Variants in MYSM1 observed in about 807,000 individuals in gnomAD.
MYSM1 encodes the protein Myb like, SWIRM and MPN domains 1.
MYSM1 carries 51 observed loss-of-function variants against 116.0 expected under a neutral mutation model. The ratio of observed to expected loss-of-function variants is 0.44; its 90% CI spans 0.35 to 0.56. MYSM1 has a LOEUF of 0.56. MYSM1 is among the 20% of genes least tolerant of loss of function. The pLI, the probability that MYSM1 is intolerant of heterozygous loss-of-function variation, is 0.00. For synonymous variants in MYSM1, 313 were observed against 315.2 expected (o/e 0.99, Z 0.07); for missense variants, 900 against 974.9 (o/e 0.92, Z 1.02).
chr1:58,674,934 A>C (rs550423122), intron 10 of MYSM1, among the ~76,000 whole-genome samples: 365 of 151,110 alleles, frequency 2.4e-3, no homozygotes, highest in Non-Finnish European at 4.3e-3. Context: ...CTCAAAAAAA[A>C]AAAAAAAAGA....
intron 8 of MYSM1, among the ~76,000 whole-genome samples, chr1:58,677,804 A>C (rs1213637825): frequency 6.6e-6 from 1 of 152,120 alleles, no homozygotes; most frequent in Non-Finnish European, 1.5e-5. Context: ...CTTTACAACT[A>C]TACAAGGTAG....
chr1:58,670,251 A>T (rs1644540316), intron 12 of MYSM1, among the ~76,000 whole-genome samples: 2 of 152,226 alleles, frequency 1.3e-5, no homozygotes, highest in South Asian at 4.1e-4. Context: ...ACTGAAGGCC[A>T]AGATAGATGA....
At chr1:58,698,347 G>A (rs898441193) in intron 1 of MYSM1, among the ~76,000 whole-genome samples, 5 of 151,122 alleles carry the variant, frequency 3.3e-5, no homozygotes, top group African/African-American at 9.7e-5. Context: ...TGATCTGCCC[G>A]CCTCGGTCTC....
chr1:58,672,145 A>C (rs1384276301), intron 11 of MYSM1, among the ~76,000 whole-genome samples, 187 bp from the exon 12 acceptor site: 2 of 152,194 alleles, frequency 1.3e-5, no homozygotes, highest in Non-Finnish European at 2.9e-5. Context: ...GTTTCAAAAG[A>C]CACGGCCATC....
intron 15 of MYSM1, 103 bp from the exon 16 acceptor site, chr1:58,667,329 AC>A (rs1455069251): frequency 2.4e-6 from 2 of 839,328 alleles, no homozygotes; most frequent in African/African-American, 3.5e-5. Flanking sequence ...CAAGGCCAAG[AC>A]TTTTATTTAA....
In MYSM1 at chr1:58,659,724, C is replaced by T. The variant is rs1177601163; in HGVS notation, c.*273G>A. On this transcript the variant is annotated 3_prime_UTR_variant, in exon 20 of 20. Transcript: ENST00000472487. Reference sequence around the variant, plus strand: ...AAGCTGAACACAACAGTAAAGCCGACCAGGTTGCTTAGTTTCACAGCCTAC... The same window carrying T: ...AAGCTGAACACAACAGTAAAGCCGATCAGGTTGCTTAGTTTCACAGCCTAC... The T allele has an allele frequency of 4.3e-6, 1 of 232,678 alleles. No homozygotes were observed. Among genetic ancestry groups the T allele is most frequent in the Non-Finnish European group, 8.2e-6 (1 of 121,758 alleles). 14.4% of individuals were successfully genotyped at this position (232,678 alleles called of 1,614,324 possible).
intron 11 of MYSM1, among the ~76,000 whole-genome samples, chr1:58,672,366 AT>A: frequency 6.6e-6 from 1 of 152,200 alleles, no homozygotes; most frequent in African/African-American, 2.4e-5. Flanking sequence ...TGGCCCAGTT[AT>A]TTACTAGCTT....
chr1:58,665,819 C>A (rs933620595), intron 16 of MYSM1, among the ~76,000 whole-genome samples, 188 bp from the exon 17 acceptor site: 2 of 151,616 alleles, frequency 1.3e-5, no homozygotes, highest in East Asian at 1.9e-4. Flanking sequence ...CTGAGGCAGG[C>A]GGACTGCTTG....
rs1644317962 is a variant in MYSM1 at position 58,656,278 on chromosome 1, C to G, written c.*3719G>C. On this transcript the variant is annotated 3_prime_UTR_variant, in exon 20 of 20. Coordinates refer to ENST00000472487, the MANE Select transcript of MYSM1 (RefSeq NM_001085487.3). ...AATGGTATGGACAGAAGACTGGGAG[C>G]AGCATTAAATAGCTTCATGGAAACA... The G allele has an allele frequency of 6.6e-6, 1 of 152,244 alleles. No homozygotes were observed. The highest frequency in any genetic ancestry group is 6.5e-5 in the Admixed American group (1 of 15,276). 9.4% of individuals were successfully genotyped at this position (152,244 alleles called of 1,614,324 possible).
rs983919032 is a variant in MYSM1, at chr1:58,655,117, A to G, written c.*4880T>C. 3 of 152,232 alleles carry G rather than the reference A, an allele frequency of 2.0e-5. No homozygotes were observed. Among genetic ancestry groups the G allele is most frequent in the Non-Finnish European group, 2.9e-5 (2 of 68,016 alleles). The allele number at this position is 152,232 out of a possible 1,614,324, so 9.4% of individuals were successfully genotyped here. ...TAACTAACTTACTTATACACAACAC[A>G]TAATTTACATGTCAAATCCACAAAT... On this transcript the variant is annotated 3_prime_UTR_variant, in exon 20 of 20. Coordinates refer to ENST00000472487, the MANE Select transcript of MYSM1 (RefSeq NM_001085487.3).
chr1:58,682,582 A>G, intron 7 of MYSM1, 37 bp from the exon 8 acceptor site: 1 of 1,502,828 alleles, frequency 6.7e-7, no homozygotes, highest in Non-Finnish European at 8.9e-7. Flanking sequence ...CATAATATTA[A>G]GATTTAAAAA....
In MYSM1 at chr1:58,662,865, CG is replaced by C. The variant is rs367955811; in HGVS notation, c.2165-1355del. On this transcript the variant is annotated intron_variant, in intron 17 of 19. Transcript: ENST00000472487. Reference sequence around the variant, plus strand: ...AAGAAGAGTGACACACTATAGTACACGGGGTATTAAGCAAACTCCTTATGGT... The same window carrying C: ...AAGAAGAGTGACACACTATAGTACACGGGTATTAAGCAAACTCCTTATGGT... 5.1e-4 allele frequency among the ~76,000 whole-genome samples: 78 copies of C among 152,170 alleles called. 2 individuals are homozygous for C. In the South Asian group the frequency reaches 0.015, roughly 29 times the overall value.
At chr1:58,684,014 G>A (rs963058768) in intron 7 of MYSM1, among the ~76,000 whole-genome samples, 6 of 152,040 alleles carry the variant, frequency 3.9e-5, no homozygotes, top group African/African-American at 9.7e-5. Flanking sequence ...ACCAAGTTAA[G>A]CTTTATTCTG....
At chr1:58,660,490 C>T (rs1441278089) in intron 19 of MYSM1, among the ~76,000 whole-genome samples, 1 of 152,074 alleles carries the variant, frequency 6.6e-6, no homozygotes, top group Non-Finnish European at 1.5e-5. Flanking sequence ...TGAGTATACA[C>T]ACACACAAAA....
rs1644341640 is a variant in MYSM1, at chr1:58,658,078, A to G, written c.*1919T>C. Reference sequence around the variant, plus strand: ...ATCACTGCCTTTCACAGAATCACGCAACTTCGGAGCTTGGAAGGGAATACT... The same window carrying G: ...ATCACTGCCTTTCACAGAATCACGCGACTTCGGAGCTTGGAAGGGAATACT... On this transcript the variant is annotated 3_prime_UTR_variant, in exon 20 of 20. Coordinates refer to ENST00000472487, the MANE Select transcript of MYSM1 (RefSeq NM_001085487.3). 6.6e-6 allele frequency: 1 copy of G among 152,210 alleles called. No individual in the cohort carries two copies. The highest frequency in any genetic ancestry group is 2.1e-4 in the South Asian group (1 of 4,830). The allele number at this position is 152,210 out of a possible 1,614,324, so 9.4% of individuals were successfully genotyped here.
intron 2 of MYSM1, among the ~76,000 whole-genome samples, 181 bp from the exon 3 acceptor site, chr1:58,693,112 C>G (rs1452380191): frequency 6.6e-6 from 1 of 152,182 alleles, no homozygotes; most frequent in African/African-American, 2.4e-5. Context: ...TTTACAGAAG[C>G]AACCACAGCA....
chr1:58,662,230 C>T (rs1644403195), intron 17 of MYSM1, among the ~76,000 whole-genome samples: 1 of 152,002 alleles, frequency 6.6e-6, no homozygotes, highest in South Asian at 2.1e-4. Context: ...GGGTGAACAT[C>T]ATATATTCAT....
intron 1 of MYSM1, among the ~76,000 whole-genome samples, chr1:58,698,102 A>ATATATATTTTTTTTTTTTTTTT: frequency 7.7e-4 from 6 of 7,770 alleles, no homozygotes; most frequent in African/African-American, 1.5e-3. Flanking sequence ...ATATATATAT[A>ATATATATTTTTTTTTTTTTTTT]TTTTTTTTTT....
chr1:58,689,179 A>G (rs1644869629), intron 5 of MYSM1, 63 bp from the exon 6 acceptor site: 2 of 1,269,162 alleles, frequency 1.6e-6, no homozygotes, highest in Admixed American at 4.6e-5. Context: ...TATTTATGTA[A>G]CTAAAGGTTA....
Sources: allele counts gnomAD v4.1 joint callset (sites outside exome capture counted in the v4.1 genomes callset), GRCh38; gene constraint gnomAD v4.1.1; transcripts MANE v1.5; gene names NCBI Gene and HGNC (gene_info 2026-07-23, HGNC 2026-07-21).